Variants in TJAP1 observed in about 807,000 individuals in gnomAD.
TJAP1 encodes tight junction associated protein 1.
In TJAP1, 27 loss-of-function variants were observed where a neutral mutation model predicts 42.0. That is an observed-to-expected ratio of 0.64 (90% CI 0.47 to 0.89). The LOEUF is 0.89. TJAP1 is among the 40% of genes least tolerant of loss of function. The pLI, the probability that TJAP1 is intolerant of heterozygous loss-of-function variation, is 0.00. For missense variants in TJAP1, 712 were observed against 726.9 expected (o/e 0.98, Z 0.24); for synonymous variants, 257 against 288.4 (o/e 0.89, Z 1.10).
intron 2 of TJAP1, among the ~76,000 whole-genome samples, chr6:43,483,135 A>G (rs1785658412): frequency 6.6e-6 from 1 of 152,148 alleles, no homozygotes; most frequent in African/African-American, 2.4e-5. Flanking sequence ...AAAAAAAAAA[A>G]AAAAGTCTTC....
chr6:43,498,861 C>G, intron 3 of TJAP1, 117 bp from the exon 4 acceptor site: 3 of 1,096,352 alleles, frequency 2.7e-6, no homozygotes, highest in Non-Finnish European at 2.6e-6. Flanking sequence ...ATGGCCCAGG[C>G]CTGTCAGCCT....
intron 2 of TJAP1, among the ~76,000 whole-genome samples, chr6:43,482,494 T>G (rs899907145): frequency 6.6e-6 from 1 of 152,232 alleles, no homozygotes; most frequent in African/African-American, 2.4e-5. Context: ...GTGCTACTCC[T>G]TTGCCTACCT....
chr6:43,496,162 C>CT (rs1381132886), intron 2 of TJAP1, among the ~76,000 whole-genome samples: 1 of 152,126 alleles, frequency 6.6e-6, no homozygotes, highest in Non-Finnish European at 1.5e-5. Context: ...TGAGCTGCCC[C>CT]TTTACTTTGT....
At chr6:43,477,676 A>G (rs2794265) in intron 1 of TJAP1, 48 bp downstream of exon 1, 151,248 of 152,226 alleles carry the variant, frequency 0.99, 75,142 homozygotes, top group Middle Eastern at 1. Flanking sequence ...AGAGTTGGGG[A>G]GGATTGCGGG....
exon 11 of TJAP1, chr6:43,504,785 G>C: frequency 6.2e-7 from 1 of 1,613,850 alleles, no homozygotes; most frequent in East Asian, 2.2e-5. Flanking sequence ...ACAGGACATG[G>C]TTCGGAAACA....
At chr6:43,503,537 C>G (rs1007917450) in intron 9 of TJAP1, 29 bp downstream of exon 9, 3 of 1,611,246 alleles carry the variant, frequency 1.9e-6, no homozygotes, top group Non-Finnish European at 2.5e-6. Flanking sequence ...TCGGGCCTTC[C>G]TCACCTGGGG....
At chr6:43,490,070 C>G (rs1432856253) in intron 2 of TJAP1, among the ~76,000 whole-genome samples, 2 of 152,234 alleles carry the variant, frequency 1.3e-5, no homozygotes, top group Non-Finnish European at 2.9e-5. Context: ...TGGGGTGCCA[C>G]CAGCAGGGCC....
At position 43,492,194 on chromosome 6, in the gene TJAP1, C is replaced by T. The variant is rs965542674; in HGVS notation, c.-121-5687C>T. Among the ~76,000 whole-genome samples, 1 of 152,172 alleles carries T rather than the reference C, an allele frequency of 6.6e-6. No homozygotes were observed. The highest frequency in any genetic ancestry group is 1.5e-5 in the Non-Finnish European group (1 of 68,034). On this transcript the variant is annotated intron_variant, in intron 2 of 10. Transcript: ENST00000372449. The surrounding 1 kb of genome is among the most constrained non-coding windows in gnomAD (Gnocchi z 4.2). ...AGCCAGATGAGCTCTCACAGGTCAC[C>T]AGCACTGTTCTGAGTCCTCAGGATT...
At chr6:43,486,354 CTT>C (rs1160469279) in intron 2 of TJAP1, among the ~76,000 whole-genome samples, 38 of 110,694 alleles carry the variant, frequency 3.4e-4, no homozygotes, top group African/African-American at 5.0e-4. Context: ...TTTCCAGTAG[CTT>C]TTTTTTTTTT....
intron 1 of TJAP1, 78 bp downstream of exon 1, chr6:43,477,706 G>A (rs564328218): frequency 6.6e-6 from 1 of 152,504 alleles, no homozygotes; most frequent in Admixed American, 6.5e-5. Flanking sequence ...CTGTAGTAGG[G>A]GCGAAGGGGG....
At chr6:43,499,269 T>G in intron 4 of TJAP1, 169 bp downstream of exon 4, 1 of 955,756 alleles carries the variant, frequency 1.0e-6, no homozygotes, top group Admixed American at 2.4e-5. Flanking sequence ...GGGGGTAATG[T>G]AGGCTCAAGG....
At chr6:43,502,124 G>T (rs987300950) in intron 6 of TJAP1, among the ~76,000 whole-genome samples, 159 bp from the exon 7 acceptor site, 3 of 144,570 alleles carry the variant, frequency 2.1e-5, no homozygotes, top group Non-Finnish European at 4.5e-5. Flanking sequence ...TTCATAGGAG[G>T]TTAGCTGGAA....
rs1263273344 is a variant in TJAP1, at chr6:43,504,699, A to G, written c.580-62A>G. 10 of 1,569,334 alleles carry G rather than the reference A, an allele frequency of 6.4e-6. No individual in the cohort carries two copies. The East Asian group carries it at 1.8e-4, about 28-fold the overall frequency. ...AAAGGTGGGAGCCATTACTTTCGCCATGAGTCAAGTTATCTTTGGCTGCGA... is the reference window on the plus strand; with the variant it reads ...AAAGGTGGGAGCCATTACTTTCGCCGTGAGTCAAGTTATCTTTGGCTGCGA... On this transcript the variant is annotated intron_variant, in intron 10 of 10. Coordinates refer to ENST00000372449, the Ensembl canonical transcript of TJAP1.
At chr6:43,504,907 A>G (rs745631805) in exon 11 of TJAP1, 16 of 1,614,036 alleles carry the variant, frequency 9.9e-6, no homozygotes. Context: ...CGGAGTCTCT[A>G]CTGCTCAATT....
At chr6:43,489,174 T>G (rs1014603005) in intron 2 of TJAP1, among the ~76,000 whole-genome samples, 1 of 152,242 alleles carries the variant, frequency 6.6e-6, no homozygotes, top group Admixed American at 6.5e-5. Context: ...CTCATTTGCC[T>G]TGCAGTCTGT....
At chr6:43,479,892 C>G (rs1313805184) in intron 2 of TJAP1, among the ~76,000 whole-genome samples, 1 of 152,048 alleles carries the variant, frequency 6.6e-6, no homozygotes, top group Non-Finnish European at 1.5e-5. Context: ...ATCGCTTGAA[C>G]CTGGGTGGTG....
At chr6:43,487,758 A>G (rs901454624) in intron 2 of TJAP1, among the ~76,000 whole-genome samples, 3 of 152,170 alleles carry the variant, frequency 2.0e-5, no homozygotes, top group Non-Finnish European at 4.4e-5. Context: ...AGAAAAGTAT[A>G]CAAAATAAAA....
chr6:43,505,014 C>A lies in TJAP1; in HGVS notation c.833C>A (p.Pro278Gln). The A allele has an allele frequency of 6.2e-7, 1 of 1,614,082 alleles. No individual in the cohort carries two copies. Among genetic ancestry groups the A allele is most frequent in the Non-Finnish European group, 8.5e-7 (1 of 1,180,030 alleles). Residue 278 changes from proline (P) to glutamine (Q), a missense_variant, in exon 11 of 11, where the codon CCG (proline) becomes CAG (glutamine). Transcript: ENST00000372449. This position sits in a 1 kb window ranked among gnomAD's most constrained non-coding sequence, Gnocchi z 5.5. ...GTCCCAGGTGATCCAGCCAGTCCCC[C>A]GGCCCCTGGCAGCCCCACCCCACAA...
chr6:43,502,989 TGGCTGCCACC>T (rs2127638993), intron 8 of TJAP1: 1 of 457,808 alleles, frequency 2.2e-6, no homozygotes, highest in African/African-American at 2.0e-5. Flanking sequence ...CAAGGTGCCC[TGGCTGCCACC>T]GCGCCCTGCT....
Sources: allele counts gnomAD v4.1 joint callset (sites outside exome capture counted in the v4.1 genomes callset), GRCh38; gene constraint gnomAD v4.1.1; non-coding constraint Gnocchi (gnomAD v3.1); transcripts MANE v1.5; gene names NCBI Gene and HGNC (gene_info 2026-07-23, HGNC 2026-07-21).